Variants in TESK2 observed in about 807,000 individuals in gnomAD.
TESK2 encodes the protein testis associated actin remodelling kinase 2, also known as dual specificity testis-specific protein kinase 2.
In TESK2, 39 loss-of-function variants were observed where a neutral mutation model predicts 57.1. The ratio of observed to expected loss-of-function variants is 0.68; its 90% confidence interval spans 0.53 to 0.89. The LOEUF (loss-of-function observed/expected upper bound fraction) is 0.89. TESK2 is among the 40% of genes least tolerant of loss of function. The probability of loss-of-function intolerance (pLI) is 0.00; values close to 1 mark genes in which losing one functional copy is unlikely to be tolerated. For missense variants in TESK2, 646 were observed against 732.1 expected (o/e 0.88, Z 1.36); for synonymous variants, 249 against 267.9 (o/e 0.93, Z 0.69).
chr1:45,444,434 T>C (rs1414382353), intron 2 of TESK2, among the ~76,000 whole-genome samples: 2 of 152,226 alleles, frequency 1.3e-5, no homozygotes, highest in Non-Finnish European at 2.9e-5. Context: ...ACTAGCTTTC[T>C]TCTATTTTGT....
At position 45,344,825 on chromosome 1, in the gene TESK2, A is replaced by C; in HGVS notation, c.*15T>G. The C allele has an allele frequency of 1.3e-6, 2 of 1,599,480 alleles. No homozygotes were observed. Among genetic ancestry groups the C allele is most frequent in the Non-Finnish European group, 1.7e-6 (2 of 1,170,832 alleles). ...TGAAGGTCCATCCCCAAGGTGAGGC[A>C]GGGACTAAACCCCCTCACCCATCCT... On this transcript the variant is annotated 3_prime_UTR_variant, in exon 11 of 11. Coordinates refer to ENST00000372086, the MANE Select transcript of TESK2 (RefSeq NM_007170.3).
chr1:45,400,032 C>T lies in TESK2; in HGVS notation c.345-14072G>A, dbSNP rs542253645. Among the ~76,000 whole-genome samples the T allele has an allele frequency of 2.0e-5, 3 of 152,244 alleles. No homozygotes were observed. In the East Asian group the frequency reaches 5.8e-4, roughly 29 times the overall value. ...GATGTCTATGTCCTAATCCCCAGAA[C>T]CTGTGACTGTGTCGCATTATATGGC... On this transcript the variant is annotated intron_variant, in intron 3 of 10. Transcript: ENST00000372086.
chr1:45,383,501 A>G (rs1274645458), intron 4 of TESK2, among the ~76,000 whole-genome samples: 2 of 152,234 alleles, frequency 1.3e-5, no homozygotes, highest in African/African-American at 2.4e-5. Context: ...TGTATGTTTT[A>G]TATGGCTATA....
chr1:45,366,688 A>C (rs934747382), intron 4 of TESK2, among the ~76,000 whole-genome samples: 1 of 152,222 alleles, frequency 6.6e-6, no homozygotes, highest in Non-Finnish European at 1.5e-5. Context: ...ATACATAATT[A>C]AGTGCATTTA....
In TESK2 at chr1:45,370,877, G is replaced by A. The variant is rs186011428; in HGVS notation, c.393+15035C>T. 2.0e-5 allele frequency among the ~76,000 whole-genome samples: 3 copies of A among 152,168 alleles called. No individual in the cohort carries two copies. The East Asian group carries it at 5.8e-4, about 29-fold the overall frequency. On this transcript the variant is annotated intron_variant, in intron 4 of 10. Coordinates refer to ENST00000372086, the MANE Select transcript of TESK2 (RefSeq NM_007170.3). ...TGAGGACAATGAGGAGCCACAGAAG[G>A]GTTTTTTCAGGGAGAAACAAAATTA... is the stretch of plus-strand genomic sequence containing the variant.
chr1:45,449,208 C>T (rs939895895), intron 2 of TESK2, among the ~76,000 whole-genome samples: 14 of 136,842 alleles, frequency 1.0e-4, no homozygotes, highest in East Asian at 4.2e-4. Flanking sequence ...GGTGACAGAG[C>T]GAGACTCTGT....
In TESK2 at chr1:45,345,297, C is replaced by G; in HGVS notation, c.1259G>C (p.Ser420Thr). ...GGKIKFFDLPSKSVISLVFDL... is the reference protein window; with the variant it reads ...GGKIKFFDLPTKSVISLVFDL... The stretch of plus-strand genomic sequence containing the variant: ...AAATACCAGAGAGATGACAGACTTG[C>G]TGGGCAGGTCAAAAAACTTGATCTT... Residue 420 changes from serine (S) to threonine (T), a missense_variant, in exon 11 of 11, where the codon AGC becomes ACC. Physicochemically the swap from Ser to Thr is moderately conservative, Grantham distance 58 (BLOSUM62 1). Transcript: ENST00000372086. 6.2e-7 allele frequency: 1 copy of G among 1,614,164 alleles called. No homozygotes were observed. Among genetic ancestry groups the G allele is most frequent in the South Asian group, 1.1e-5 (1 of 91,086 alleles).
At chr1:45,364,595 C>A (rs1647829489) in intron 4 of TESK2, among the ~76,000 whole-genome samples, 1 of 152,180 alleles carries the variant, frequency 6.6e-6, no homozygotes, top group Non-Finnish European at 1.5e-5. Context: ...TAATACATGA[C>A]CCAAACTGCA....
intron 3 of TESK2, chr1:45,415,329 C>A: frequency 9.2e-7 from 1 of 1,091,630 alleles, no homozygotes; most frequent in Non-Finnish European, 1.4e-6. Context: ...CCATTGCTGA[C>A]TGTGGACAAC....
intron 2 of TESK2, among the ~76,000 whole-genome samples, chr1:45,422,390 G>T (rs1163239399): frequency 2.0e-5 from 3 of 151,972 alleles, no homozygotes; most frequent in Non-Finnish European, 4.4e-5. Context: ...TTTTTTAGAA[G>T]AAATAAAGAA....
At chr1:45,421,541 C>T (rs1477170697) in intron 3 of TESK2, among the ~76,000 whole-genome samples, 184 bp downstream of exon 3, 2 of 152,148 alleles carry the variant, frequency 1.3e-5, no homozygotes, top group East Asian at 3.8e-4. Context: ...TTATTAAATG[C>T]AGTTAATTAC....
chr1:45,367,647 T>TCACAAAGC (rs1270608846), intron 4 of TESK2, among the ~76,000 whole-genome samples: 1 of 144,162 alleles, frequency 6.9e-6, no homozygotes, highest in Non-Finnish European at 1.5e-5. Flanking sequence ...CTGCATCTGG[T>TCACAAAGC]CACAAAGCAT....
intron 5 of TESK2, among the ~76,000 whole-genome samples, chr1:45,353,637 G>A (rs1647294784): frequency 1.3e-5 from 2 of 152,196 alleles, no homozygotes; most frequent in Non-Finnish European, 2.9e-5. Context: ...TGAAGTGACA[G>A]CTATTCTTAG....
intron 5 of TESK2, among the ~76,000 whole-genome samples, chr1:45,352,733 G>A (rs1647265486): frequency 6.6e-6 from 1 of 151,094 alleles, no homozygotes; most frequent in South Asian, 2.1e-4. Context: ...GGAGACACTT[G>A]TGTGTGTGTG....
At chr1:45,464,411 A>G (rs1652455067) in intron 1 of TESK2, among the ~76,000 whole-genome samples, 2 of 147,658 alleles carry the variant, frequency 1.4e-5, no homozygotes, top group Admixed American at 1.3e-4. Flanking sequence ...GCGACAGAGC[A>G]AGACACTGGA....
At chr1:45,351,039 A>C (rs187901886) in intron 5 of TESK2, among the ~76,000 whole-genome samples, 73 of 152,348 alleles carry the variant, frequency 4.8e-4, no homozygotes, top group Non-Finnish European at 7.8e-4. Flanking sequence ...AGTGGCTTCT[A>C]TGCAGTCAAC....
chr1:45,457,019 A>C (rs1043714280), intron 2 of TESK2, among the ~76,000 whole-genome samples: 1 of 152,126 alleles, frequency 6.6e-6, no homozygotes, highest in Non-Finnish European at 1.5e-5. Flanking sequence ...ATATTTTTTG[A>C]GACAGGGCCT....
At chr1:45,445,683 T>C (rs1280197917) in intron 2 of TESK2, among the ~76,000 whole-genome samples, 3 of 147,778 alleles carry the variant, frequency 2.0e-5, no homozygotes, top group African/African-American at 2.5e-5. Flanking sequence ...TGATCCCAGA[T>C]ACTTGGGAGG....
intron 4 of TESK2, among the ~76,000 whole-genome samples, chr1:45,384,591 TA>T (rs1179143622): frequency 4.4e-5 from 6 of 135,622 alleles, no homozygotes; most frequent in African/African-American, 1.7e-4. Context: ...AGCTAATTAT[TA>T]ATTTTTTTTT....
Sources: allele counts gnomAD v4.1 joint callset (sites outside exome capture counted in the v4.1 genomes callset), GRCh38; gene constraint gnomAD v4.1.1; transcripts MANE v1.5; gene names NCBI Gene and HGNC (gene_info 2026-07-23, HGNC 2026-07-21).